Variants in ARHGEF9 observed in about 807,000 individuals in gnomAD.
ARHGEF9 encodes Cdc42 guanine nucleotide exchange factor 9.
A neutral mutation model predicts 41.3 loss-of-function variants in ARHGEF9; 2 were observed. That is an observed-to-expected ratio of 0.05 (90% confidence interval 0.02 to 0.15). The LOEUF (loss-of-function observed/expected upper bound fraction) is 0.15. ARHGEF9 is among the 10% of genes least tolerant of loss of function. The pLI is 1.00. For synonymous variants in ARHGEF9, 160 were observed against 154.4 expected (o/e 1.04, Z -0.27); for missense variants, 225 against 424.7 (o/e 0.53, Z 4.13).
At chrX:63,674,921 T>C (rs782573048) in intron 5 of ARHGEF9, among the ~76,000 whole-genome samples, 1 of 111,774 alleles carries the variant, frequency 8.9e-6, no homozygotes, top group East Asian at 2.8e-4. Context: ...GCAGTGTTTG[T>C]CCAAGATGAC....
chrX:63,682,314 A>G (rs1417556829), intron 4 of ARHGEF9, among the ~76,000 whole-genome samples: 1 of 110,502 alleles, frequency 9.0e-6, no homozygotes, highest in Non-Finnish European at 1.9e-5. Flanking sequence ...GGAGATCGAG[A>G]CCATCCTGGC....
Position 63,674,133 on chromosome X carries a change from T to G in ARHGEF9, c.850A>C (p.Met284Leu). 1 of 1,211,206 alleles carries G rather than the reference T, an allele frequency of 8.3e-7. No individual in the cohort carries two copies. The highest frequency in any genetic ancestry group is 1.8e-5 in the South Asian group (1 of 56,968). ...TTGATCTGCTGAGTCACATTTCTCA[T>G]GACAGCCAAAGCAGCTGCCACATAC... ...YRYVAAALAV[M>L]RNVTQQINER... Residue 284 changes from methionine to leucine, a missense_variant, in exon 6 of 10, where the codon ATG becomes CTG. This residue lies in a region of ARHGEF9 where 36 missense variants were observed against 113.6 expected (regional missense o/e 0.32). Transcript: ENST00000671741.
At chrX:63,692,672 A>G (rs1242073714) in intron 4 of ARHGEF9, among the ~76,000 whole-genome samples, 10 of 112,200 alleles carry the variant, frequency 8.9e-5, no homozygotes, top group Non-Finnish European at 1.7e-4. Context: ...CAGAAGTACC[A>G]TATGATCCAG....
chrX:63,765,874 G>T (rs1448867785), intron 1 of ARHGEF9, among the ~76,000 whole-genome samples: 1 of 111,477 alleles, frequency 9.0e-6, no homozygotes, highest in Middle Eastern at 4.2e-3. Context: ...AAAAATTATC[G>T]CCCAAGAATA....
intron 1 of ARHGEF9, among the ~76,000 whole-genome samples, chrX:63,773,484 A>T (rs2056237354): frequency 8.9e-6 from 1 of 112,297 alleles, no homozygotes; most frequent in South Asian, 3.7e-4. Context: ...CCCCACACAG[A>T]TACAGAGTAG....
chrX:63,736,579 C>G (rs782210354), intron 1 of ARHGEF9, among the ~76,000 whole-genome samples: 1 of 111,730 alleles, frequency 9.0e-6, no homozygotes, highest in African/African-American at 3.3e-5. Context: ...GAAAAGCTTC[C>G]TAAGGCATCA....
At chrX:63,672,151 C>T (rs782143469) in intron 6 of ARHGEF9, among the ~76,000 whole-genome samples, 28 of 110,772 alleles carry the variant, frequency 2.5e-4, no homozygotes, top group Non-Finnish European at 1.9e-5. Context: ...GTTCTCTCAT[C>T]CTTTCTGCCA....
At chrX:63,679,706 T>C (rs2050492794) in intron 4 of ARHGEF9, among the ~76,000 whole-genome samples, 1 of 111,273 alleles carries the variant, frequency 9.0e-6, no homozygotes, top group Non-Finnish European at 1.9e-5. Context: ...CACAATGTAA[T>C]AAAGGACACC....
chrX:63,747,669 G>A (rs782284426), intron 1 of ARHGEF9, among the ~76,000 whole-genome samples: 1 of 112,349 alleles, frequency 8.9e-6, no homozygotes, highest in South Asian at 3.7e-4. Context: ...AGGAATTGTT[G>A]TTACTCTTAA....
At chrX:63,771,983 C>T (rs782045546) in intron 1 of ARHGEF9, among the ~76,000 whole-genome samples, 47 of 111,993 alleles carry the variant, frequency 4.2e-4, no homozygotes, top group African/African-American at 1.5e-3. Flanking sequence ...TGCCTACCTA[C>T]CCTGCAGATT....
At chrX:63,732,614 A>G (rs539606785) in intron 1 of ARHGEF9, among the ~76,000 whole-genome samples, 3 of 110,988 alleles carry the variant, frequency 2.7e-5, no homozygotes, top group South Asian at 7.7e-4. Flanking sequence ...GTAACTCCCC[A>G]CTATCTCAAA....
intron 1 of ARHGEF9, among the ~76,000 whole-genome samples, chrX:63,784,821 C>T (rs782806008): frequency 8.1e-5 from 9 of 111,381 alleles, no homozygotes; most frequent in Non-Finnish European, 1.3e-4. Context: ...TCTGGCCTCC[C>T]AAGTGACCCC....
intron 4 of ARHGEF9, among the ~76,000 whole-genome samples, chrX:63,682,726 T>C (rs782730380): frequency 8.9e-6 from 1 of 112,026 alleles, no homozygotes; most frequent in East Asian, 2.8e-4. Context: ...AGGAATAATT[T>C]AAAAACCACA....
At position 63,724,556 on chromosome X, in the gene ARHGEF9, T is replaced by A. The variant is rs782019075; in HGVS notation, c.186A>T (p.Gly62=). The change falls in exon 2 of 10, where the codon GGA becomes GGT. Residue 62 remains glycine, a synonymous_variant. Coordinates refer to ENST00000671741, the MANE Select transcript of ARHGEF9 (RefSeq NM_001353921.2). The part of the protein sequence containing the change: ...WWWGQIDDEE[G]WFPASFVRLW... ...CCCTCACAAAGCTGGCAGGAAACCA[T>A]CCCTCCTCATCGTCGATCTGGCCCC... 1.7e-6 allele frequency: 2 copies of A among 1,210,650 alleles called. No homozygotes were observed. Among genetic ancestry groups the A allele is most frequent in the Non-Finnish European group, 2.2e-6 (2 of 895,311 alleles).
Position 63,654,946 on chromosome X carries a change from T to C in ARHGEF9, c.1321+548A>G, listed in dbSNP as rs1311603889. 1.2e-4 allele frequency among the ~76,000 whole-genome samples: 13 copies of C among 112,236 alleles called. No homozygotes were observed. The Admixed American group carries it at 1.2e-3, about 11-fold the overall frequency. The stretch of plus-strand genomic sequence containing the variant: ...CCCACTGGAAAAGAGAAACAACTTA[T>C]TGTAAGGCAAAAAAGTATGTTTCAG... On this transcript the variant is annotated intron_variant, in intron 8 of 9. Transcript: ENST00000671741.
At chrX:63,754,670 C>T (rs2055854489) in intron 1 of ARHGEF9, 2 of 969,440 alleles carry the variant, frequency 2.1e-6, no homozygotes, top group Admixed American at 1.0e-4. Context: ...TCCATACAGC[C>T]ACCATGCTAG....
intron 1 of ARHGEF9, among the ~76,000 whole-genome samples, chrX:63,775,469 T>C (rs2056277912): frequency 8.9e-6 from 1 of 112,409 alleles, no homozygotes; most frequent in Admixed American, 9.4e-5. Context: ...ATATGGTACA[T>C]ATACACCATG....
rs1207104617 is a variant in ARHGEF9, at chrX:63,635,515, C to A, written c.*2513G>T. 4.1e-5 allele frequency: 20 copies of A among 486,619 alleles called. No individual in the cohort carries two copies. Among genetic ancestry groups the A allele is most frequent in the Admixed American group, 1.1e-4 (3 of 28,023 alleles). 40.1% of individuals were successfully genotyped at this position (486,619 alleles called of 1,213,427 possible). ...AACCCAGGTATTTAATTGGGCTCCC[C>A]TTGGGGCTGTTGGCCACTGGTCTGC... On this transcript the variant is annotated 3_prime_UTR_variant, in exon 10 of 10. Coordinates refer to ENST00000671741, the MANE Select transcript of ARHGEF9 (RefSeq NM_001353921.2).
chrX:63,767,176 A>G, intron 1 of ARHGEF9: 1 of 754,795 alleles, frequency 1.3e-6, no homozygotes, highest in Non-Finnish European at 2.0e-6. Flanking sequence ...AGCATCTTAA[A>G]CCAGCTTGGT....
Sources: allele counts gnomAD v4.1 joint callset (sites outside exome capture counted in the v4.1 genomes callset), GRCh38; gene constraint gnomAD v4.1.1; regional missense constraint gnomAD v4.1.1; transcripts MANE v1.5; gene names NCBI Gene and HGNC (gene_info 2026-07-23, HGNC 2026-07-21).